The following PICALM variants were observed in gnomAD, a reference collection of about 807,000 sequenced individuals.
PICALM encodes phosphatidylinositol-binding clathrin assembly protein.
In PICALM, 40 loss-of-function variants were observed where a neutral mutation model predicts 80.5. That is an observed-to-expected ratio of 0.50 (90% CI 0.39 to 0.65). The LOEUF (loss-of-function observed/expected upper bound fraction) is 0.65. Ranked by LOEUF, PICALM falls within the 30% of genes least tolerant of loss-of-function variation. The pLI, the probability that PICALM is intolerant of heterozygous loss-of-function variation, is 0.00. For synonymous variants in PICALM, 288 were observed against 260.3 expected, an observed-to-expected ratio of 1.11 and a Z score of -1.02; for missense variants, 676 against 778.9, an observed-to-expected ratio of 0.87 and a Z score of 1.57.
intron 7 of PICALM, among the ~76,000 whole-genome samples, 164 bp from the exon 8 acceptor site, chr11:86,007,747 G>C (rs999850998): frequency 2.6e-5 from 4 of 152,078 alleles, no homozygotes; most frequent in Non-Finnish European, 5.9e-5. Flanking sequence ...CAATGGCTTA[G>C]ATATTATTTG....
chr11:85,999,710 T>C (rs2095085748), intron 11 of PICALM, among the ~76,000 whole-genome samples: 2 of 152,214 alleles, frequency 1.3e-5, no homozygotes, highest in African/African-American at 4.8e-5. Context: ...TAGGAGTCAG[T>C]AGGCAGGCAG....
At chr11:85,964,377 T>C (rs2093802735) in intron 19 of PICALM, among the ~76,000 whole-genome samples, 1 of 152,148 alleles carries the variant, frequency 6.6e-6, no homozygotes, top group Non-Finnish European at 1.5e-5. Flanking sequence ...GAAAAATGGA[T>C]TGTACTCCCT....
intron 18 of PICALM, among the ~76,000 whole-genome samples, chr11:85,976,056 C>G (rs754252929): frequency 5.3e-5 from 8 of 152,196 alleles, no homozygotes; most frequent in Non-Finnish European, 8.8e-5. Context: ...GGAACAGTTC[C>G]TCAAATACAT....
At chr11:86,061,758 C>T (rs1448111933) in intron 1 of PICALM, among the ~76,000 whole-genome samples, 1 of 152,160 alleles carries the variant, frequency 6.6e-6, no homozygotes, top group East Asian at 1.9e-4. Flanking sequence ...GCTATTTACC[C>T]AAACGAACTG....
chr11:86,014,470 T>C (rs888844088), intron 5 of PICALM, among the ~76,000 whole-genome samples: 2 of 152,232 alleles, frequency 1.3e-5, no homozygotes, highest in Non-Finnish European at 2.9e-5. Flanking sequence ...TTATAACTGC[T>C]ATTTAAACTT....
chr11:85,983,741 T>C (rs919979043), intron 14 of PICALM, 125 bp downstream of exon 14: 4 of 492,990 alleles, frequency 8.1e-6, no homozygotes, highest in Non-Finnish European at 1.4e-5. Flanking sequence ...CTTGGGGGGA[T>C]GGGACAATTT....
chr11:86,031,367 T>C, intron 2 of PICALM, 102 bp downstream of exon 2: 1 of 842,856 alleles, frequency 1.2e-6, no homozygotes, highest in Non-Finnish European at 1.8e-6. Context: ...CTAGGCACCT[T>C]GACCTTTGTA....
At chr11:85,970,578 G>A (rs1303390349) in intron 19 of PICALM, among the ~76,000 whole-genome samples, 1 of 152,236 alleles carries the variant, frequency 6.6e-6, no homozygotes, top group Non-Finnish European at 1.5e-5. Context: ...CACTTTGGGA[G>A]GCCCAGGAGG....
chr11:85,992,965 G>A (rs979570513), intron 12 of PICALM, among the ~76,000 whole-genome samples: 1 of 152,000 alleles, frequency 6.6e-6, no homozygotes, highest in Non-Finnish European at 1.5e-5. Flanking sequence ...TAATCTACAA[G>A]ATGTTAATCT....
intron 13 of PICALM, among the ~76,000 whole-genome samples, chr11:85,987,678 C>T (rs1287659319): frequency 2.6e-5 from 4 of 152,106 alleles, no homozygotes; most frequent in African/African-American, 4.8e-5. Flanking sequence ...TGCATGTTGC[C>T]GAGGCTGGCC....
At chr11:86,032,782 T>C (rs777135910) in intron 1 of PICALM, among the ~76,000 whole-genome samples, 2 of 152,212 alleles carry the variant, frequency 1.3e-5, no homozygotes, top group Non-Finnish European at 2.9e-5. Context: ...ATTAATTTGT[T>C]CACTTTTAAT....
chr11:86,013,348 A>T (rs746942867), intron 5 of PICALM, among the ~76,000 whole-genome samples: 30 of 152,276 alleles, frequency 2.0e-4, no homozygotes, highest in Non-Finnish European at 3.5e-4. Flanking sequence ...AAGCAAAAAC[A>T]GACACCTGTT....
chr11:86,007,449 C>G (rs1185636704), intron 8 of PICALM, 93 bp downstream of exon 8: 4 of 732,478 alleles, frequency 5.5e-6, no homozygotes, highest in Non-Finnish European at 9.8e-6. Flanking sequence ...GCATTGATCC[C>G]TTTGACAATG....
chr11:86,014,093 C>A (rs1340975725), intron 5 of PICALM, among the ~76,000 whole-genome samples: 1 of 152,144 alleles, frequency 6.6e-6, no homozygotes, highest in Non-Finnish European at 1.5e-5. Flanking sequence ...GTTTACTGAA[C>A]ACTTACTATG....
At chr11:85,981,282 T>C (rs2094435183) in intron 16 of PICALM, 54 bp from the exon 17 acceptor site, 2 of 1,048,472 alleles carry the variant, frequency 1.9e-6, no homozygotes, top group Admixed American at 1.7e-5. Context: ...AAAGTTTCCT[T>C]AGCTATATAC....
chr11:85,978,336 G>A (rs186913869), intron 17 of PICALM: 14 of 347,566 alleles, frequency 4.0e-5, no homozygotes, highest in Non-Finnish European at 5.9e-5. Flanking sequence ...TTGATTACAA[G>A]TACCATTAAA....
intron 1 of PICALM, among the ~76,000 whole-genome samples, chr11:86,039,317 G>A (rs1009757328): frequency 2.0e-5 from 3 of 152,026 alleles, no homozygotes; most frequent in African/African-American, 7.3e-5. Context: ...CTTGATCCCA[G>A]GAGTTCAAGG....
At position 85,957,381 on chromosome 11, in the gene PICALM, T is replaced by C. The variant is rs1565172484; in HGVS notation, c.*1665A>G. On this transcript the variant is annotated 3_prime_UTR_variant, in exon 20 of 20. Coordinates refer to ENST00000393346, the MANE Select transcript of PICALM (RefSeq NM_007166.4). ...AAGGTTTCTTTGGCAGACATAATTA[T>C]ATGTACCAAAACATTAAACTGCGTA... Among the ~76,000 whole-genome samples, 3 of 152,240 alleles carry C rather than the reference T, an allele frequency of 2.0e-5. No individual in the cohort carries two copies. The highest frequency in any genetic ancestry group is 1.5e-5 in the Non-Finnish European group (1 of 68,040).
intron 1 of PICALM, among the ~76,000 whole-genome samples, chr11:86,041,961 C>G (rs781003128): frequency 2.6e-5 from 4 of 152,018 alleles, no homozygotes; most frequent in Non-Finnish European, 4.4e-5. Context: ...TTGTTCCTCC[C>G]CCCTCCTCTG....
Sources: allele counts gnomAD v4.1 joint callset (sites outside exome capture counted in the v4.1 genomes callset), GRCh38; gene constraint gnomAD v4.1.1; transcripts MANE v1.5; gene names NCBI Gene and HGNC (gene_info 2026-07-23, HGNC 2026-07-21).